The following MMP26 variants were observed in gnomAD, a reference collection of about 807,000 sequenced individuals.
The protein encoded by MMP26 is matrix metalloproteinase-26.
A neutral mutation model predicts 31.0 loss-of-function variants in MMP26; 33 were observed. The ratio of observed to expected loss-of-function variants is 1.06; its 90% CI spans 0.81 to 1.42. MMP26 has a LOEUF of 1.42. Among genes scored for constraint, MMP26 ranks in the 40% most tolerant of loss-of-function variants. MMP26 has a pLI of 0.00. For synonymous variants in MMP26, 122 were observed against 114.9 expected (o/e 1.06, Z -0.40); for missense variants, 347 against 316.1 (o/e 1.10, Z -0.74).
intron 2 of MMP26, chr11:4,848,749 G>A: frequency 1.2e-6 from 2 of 1,614,042 alleles, no homozygotes; most frequent in African/African-American, 1.3e-5. Flanking sequence ...GAAATGGCCA[G>A]GCTGATTTTG....
At chr11:4,917,799 GT>G (rs1433737709) in intron 2 of MMP26, among the ~76,000 whole-genome samples, 1 of 151,930 alleles carries the variant, frequency 6.6e-6, no homozygotes, top group Non-Finnish European at 1.5e-5. Flanking sequence ...TAATTGTTCA[GT>G]GTTTTCATTG....
At chr11:4,934,574 T>G (rs61880596) in intron 2 of MMP26, among the ~76,000 whole-genome samples, 8 of 146,592 alleles carry the variant, frequency 5.5e-5, no homozygotes, top group South Asian at 4.4e-4. Flanking sequence ...AAGCTCTTTA[T>G]TTTAATTAGA....
At chr11:4,831,513 C>G (rs1334525351) in intron 2 of MMP26, among the ~76,000 whole-genome samples, 1 of 152,170 alleles carries the variant, frequency 6.6e-6, no homozygotes, top group South Asian at 2.1e-4. Flanking sequence ...GCTTTTTATT[C>G]TCTTGTTTTT....
intron 2 of MMP26, chr11:4,907,619 GTCT>G: frequency 6.2e-7 from 1 of 1,614,008 alleles, no homozygotes; most frequent in Non-Finnish European, 8.5e-7. Context: ...CATGTTGAGG[GTCT>G]TCTTGTTCAA....
chr11:4,947,865 G>C (rs1482929678), intron 2 of MMP26, among the ~76,000 whole-genome samples: 1 of 125,214 alleles, frequency 8.0e-6, no homozygotes, highest in Admixed American at 8.8e-5. Flanking sequence ...CCTGGTATTA[G>C]ATAGACATGG....
At chr11:4,790,594 T>G (rs577736491) in intron 2 of MMP26, among the ~76,000 whole-genome samples, 2 of 152,286 alleles carry the variant, frequency 1.3e-5, no homozygotes, top group Admixed American at 1.3e-4. Flanking sequence ...AATCAGGCGA[T>G]AGTTCTCTTC....
chr11:4,827,034 G>A (rs1849586445), intron 2 of MMP26, among the ~76,000 whole-genome samples: 1 of 151,954 alleles, frequency 6.6e-6, no homozygotes. Flanking sequence ...ATCATTCAGT[G>A]TCAGTCTTGG....
intron 2 of MMP26, among the ~76,000 whole-genome samples, chr11:4,977,641 A>G (rs1410575212): frequency 6.6e-6 from 1 of 152,144 alleles, no homozygotes; most frequent in East Asian, 1.9e-4. Flanking sequence ...TTCACCAAAA[A>G]ACTTCAGTAA....
intron 2 of MMP26, among the ~76,000 whole-genome samples, chr11:4,936,657 G>A (rs112911285): frequency 0.018 from 2,790 of 152,166 alleles, 35 homozygotes; most frequent in Middle Eastern, 0.037. Flanking sequence ...AGAGCTGGGC[G>A]TAAAATATAA....
At chr11:4,766,331 T>A (rs1415057628) in intron 1 of MMP26, among the ~76,000 whole-genome samples, 1 of 152,098 alleles carries the variant, frequency 6.6e-6, no homozygotes, top group Non-Finnish European at 1.5e-5. Context: ...ACCAGAGAAG[T>A]GTGGGCCACC....
intron 4 of MMP26, among the ~76,000 whole-genome samples, chr11:4,990,135 G>A (rs536921500): frequency 9.9e-5 from 15 of 152,200 alleles, no homozygotes; most frequent in African/African-American, 3.6e-4. Context: ...GTGTGTGGAT[G>A]GTTCTAAGGT....
chr11:4,776,270 CT>C (rs1483300770), intron 2 of MMP26, among the ~76,000 whole-genome samples: 16 of 151,932 alleles, frequency 1.1e-4, no homozygotes, highest in Non-Finnish European at 2.4e-4. Context: ...GTGATGGTAT[CT>C]TTTTTATATA....
chr11:4,746,831 TCACACACACA>T (rs3223670), intron 1 of MMP26, among the ~76,000 whole-genome samples: 3,807 of 137,202 alleles, frequency 0.028, 52 homozygotes, highest in Non-Finnish European at 0.034. Flanking sequence ...TAAGTCTCTG[TCACACACACA>T]CACACACACA....
intron 2 of MMP26, among the ~76,000 whole-genome samples, chr11:4,793,293 T>A (rs1308122196): frequency 6.6e-6 from 1 of 152,218 alleles, no homozygotes; most frequent in African/African-American, 2.4e-5. Flanking sequence ...GCAAATCTCC[T>A]TGAGGAACAC....
At chr11:4,719,379 A>G (rs1847980263) in intron 1 of MMP26, 1 of 153,446 alleles carries the variant, frequency 6.5e-6, no homozygotes, top group South Asian at 2.0e-4. Flanking sequence ...TTTACATTCC[A>G]TTGATCACTC....
At chr11:4,710,185 T>C (rs777001939) in intron 1 of MMP26, 2 of 456,780 alleles carry the variant, frequency 4.4e-6, no homozygotes, top group Admixed American at 4.7e-5. Flanking sequence ...GCCATTGTTA[T>C]CTCTACTGCT....
intron 1 of MMP26, among the ~76,000 whole-genome samples, chr11:4,742,146 C>G (rs1449102347): frequency 6.6e-6 from 1 of 152,170 alleles, no homozygotes; most frequent in Non-Finnish European, 1.5e-5. Context: ...TACTGAAAAT[C>G]AGACAGATAC....
chr11:4,903,278 T>G (rs1324179416), intron 2 of MMP26, among the ~76,000 whole-genome samples: 1 of 152,100 alleles, frequency 6.6e-6, no homozygotes, highest in East Asian at 1.9e-4. Context: ...CGACAGGCTA[T>G]GTCTATTTCA....
chr11:4,867,096 A>T (rs1256345295), intron 2 of MMP26, among the ~76,000 whole-genome samples: 1 of 152,156 alleles, frequency 6.6e-6, no homozygotes, highest in Non-Finnish European at 1.5e-5. Flanking sequence ...AAATAATTAA[A>T]CTAAAGAGCT....
Sources: allele counts gnomAD v4.1 joint callset (sites outside exome capture counted in the v4.1 genomes callset), GRCh38; gene constraint gnomAD v4.1.1; transcripts MANE v1.5; gene names NCBI Gene and HGNC (gene_info 2026-07-23, HGNC 2026-07-21).